The following NBEA variants were observed in gnomAD, a reference collection of about 807,000 sequenced individuals.
The protein encoded by NBEA is lysosomal-trafficking regulator 2.
A neutral mutation model predicts 343.4 loss-of-function variants in NBEA; 44 were observed. That is an observed-to-expected ratio of 0.13 (90% CI 0.10 to 0.16). The LOEUF is 0.16. NBEA is among the 10% of genes least tolerant of loss of function. NBEA has a pLI of 1.00. For missense variants in NBEA, 2,555 were observed against 3,631.3 expected (o/e 0.70, Z 7.62); for synonymous variants, 1,175 against 1,238.7 (o/e 0.95, Z 1.08).
At chr13:34,987,096 C>T (rs1454395775) in intron 1 of NBEA, among the ~76,000 whole-genome samples, 1 of 151,034 alleles carries the variant, frequency 6.6e-6, no homozygotes, top group Non-Finnish European at 1.5e-5. Flanking sequence ...GCAGTTTCTT[C>T]CTAGCATTGA....
chr13:35,668,400 G>A lies in NBEA; in HGVS notation c.8694G>A (p.Leu2898=). The A allele has an allele frequency of 6.2e-7, 1 of 1,611,306 alleles. No homozygotes were observed. The highest frequency in any genetic ancestry group is 8.5e-7 in the Non-Finnish European group (1 of 1,178,560). Residue 2898 remains leucine (L), a synonymous_variant, in exon 58 of 59, where the codon CTG becomes CTA. Coordinates refer to ENST00000379939, the MANE Select transcript of NBEA (RefSeq NM_001385012.1). ...AILLSSDGQN[L]VTGGDNGVVE... is the part of the protein sequence containing the mutation. ...TCCTGAGCAGTGACGGCCAGAACCTGGTCACCGGAGGGGACAATGGGGTAG... is the reference window on the plus strand; with the variant it reads ...TCCTGAGCAGTGACGGCCAGAACCTAGTCACCGGAGGGGACAATGGGGTAG...
chr13:35,175,142 A>C (rs1275177815), intron 27 of NBEA, among the ~76,000 whole-genome samples: 1 of 152,180 alleles, frequency 6.6e-6, no homozygotes, highest in East Asian at 1.9e-4. Flanking sequence ...GGACAACTCT[A>C]GAATCAGACA....
chr13:35,171,206 G>A (rs1286524027), intron 25 of NBEA, 66 bp from the exon 26 acceptor site: 1 of 1,160,280 alleles, frequency 8.6e-7, no homozygotes, highest in Non-Finnish European at 1.3e-6. Context: ...TAGTATGTAT[G>A]TATATGTATT....
At chr13:35,063,213 T>C (rs1275619590) in intron 8 of NBEA, among the ~76,000 whole-genome samples, 3 of 152,018 alleles carry the variant, frequency 2.0e-5, no homozygotes, top group Non-Finnish European at 4.4e-5. Context: ...TATTAAGCAG[T>C]TGGGCACTGT....
At chr13:35,647,410 A>C (rs1288854924) in intron 51 of NBEA, among the ~76,000 whole-genome samples, 1 of 152,212 alleles carries the variant, frequency 6.6e-6, no homozygotes, top group Admixed American at 6.5e-5. Context: ...TGATGGAAGT[A>C]TTAATCACAC....
chr13:35,646,207 C>T, intron 50 of NBEA, 52 bp from the exon 51 acceptor site: 1 of 1,330,116 alleles, frequency 7.5e-7, no homozygotes, highest in Non-Finnish European at 1.1e-6. Context: ...AGTGTGTTGG[C>T]CTCTCTCTTT....
At chr13:35,649,913 GTA>G in intron 52 of NBEA, 66 bp downstream of exon 52, 1 of 1,186,884 alleles carries the variant, frequency 8.4e-7, no homozygotes, top group Non-Finnish European at 1.1e-6. Context: ...GTAAAAAAGT[GTA>G]CTGGGACTGG....
chr13:34,960,529 G>A (rs909223224), intron 1 of NBEA, among the ~76,000 whole-genome samples: 1 of 152,000 alleles, frequency 6.6e-6, no homozygotes, highest in African/African-American at 2.4e-5. Flanking sequence ...CTCACCCAGA[G>A]CAACTTCCAG....
chr13:35,093,315 C>CAAAAAAAAAAA (rs34323263), intron 10 of NBEA, among the ~76,000 whole-genome samples: 1 of 141,280 alleles, frequency 7.1e-6, no homozygotes. Context: ...ACTGGTACAC[C>CAAAAAAAAAAA]AAAAAAAAAA....
In NBEA at chr13:35,157,106, G is replaced by A. The variant is rs1393194750; in HGVS notation, c.2680G>A (p.Asp894Asn). Residue 894 changes from aspartate to asparagine, a missense_variant, in exon 21 of 59, where the codon GAT (aspartate) becomes AAT (asparagine). Physicochemically the swap from Asp to Asn is conservative, Grantham distance 23 (BLOSUM62 1). This residue lies in a region of NBEA where 360 missense variants were observed against 519.1 expected (regional missense o/e 0.69). Coordinates refer to ENST00000379939, the MANE Select transcript of NBEA (RefSeq NM_001385012.1). ...CTTATTGCAGTGTTCAGTGTGGCAG[G>A]ATTGGATGTTTTCTCTTGGCTATAT... Reference protein sequence around the residue: ...RCLLQCSVWQDWMFSLGYINP... With the variant: ...RCLLQCSVWQNWMFSLGYINP... 1 of 1,598,804 alleles carries A rather than the reference G, an allele frequency of 6.3e-7. No individual in the cohort carries two copies. Among genetic ancestry groups the A allele is most frequent in the Non-Finnish European group, 8.5e-7 (1 of 1,172,538 alleles).
intron 1 of NBEA, among the ~76,000 whole-genome samples, chr13:35,021,279 G>A (rs1017615274): frequency 6.6e-6 from 1 of 152,164 alleles, no homozygotes; most frequent in South Asian, 2.1e-4. Flanking sequence ...GAATTGAGTA[G>A]TTATCATGGA....
Position 35,547,745 on chromosome 13 carries a change from G to A in NBEA, c.6586-2732G>A, listed in dbSNP as rs982059882. On this transcript the variant is annotated intron_variant, in intron 41 of 58. Coordinates refer to ENST00000379939, the MANE Select transcript of NBEA (RefSeq NM_001385012.1). The stretch of plus-strand genomic sequence containing the variant: ...TCTACTAAAAATACAAAAATTAGCC[G>A]GATGGTAATGGCACGCATCTGTAAT... Among the ~76,000 whole-genome samples, 12 of 152,120 alleles carry A rather than the reference G, an allele frequency of 7.9e-5. No individual in the cohort carries two copies. The South Asian group carries it at 1.0e-3, about 13-fold the overall frequency.
chr13:35,570,224 C>T (rs1365162156), intron 45 of NBEA, among the ~76,000 whole-genome samples: 4 of 152,088 alleles, frequency 2.6e-5, no homozygotes, highest in Non-Finnish European at 5.9e-5. Context: ...TTAGTAGAGA[C>T]AGGGTTTCAC....
intron 1 of NBEA, among the ~76,000 whole-genome samples, chr13:35,001,667 G>A (rs1177159260): frequency 2.0e-5 from 3 of 152,082 alleles, no homozygotes; most frequent in African/African-American, 7.2e-5. Flanking sequence ...CTGGAGGCTG[G>A]GAAAGGGAGG....
intron 28 of NBEA, 53 bp downstream of exon 28, chr13:35,177,156 ATGAAATACG>A: frequency 7.4e-7 from 1 of 1,347,376 alleles, no homozygotes. Flanking sequence ...TGTCATTCGT[ATGAAATACG>A]TTTTATAAGA....
At chr13:35,241,062 TTAA>T (rs1189892934) in intron 34 of NBEA, among the ~76,000 whole-genome samples, 10 of 151,854 alleles carry the variant, frequency 6.6e-5, no homozygotes, top group African/African-American at 2.4e-4. Context: ...TCAGTCCATG[TTAA>T]TATATCAATT....
chr13:35,101,433 G>A (rs2065641889), intron 11 of NBEA, among the ~76,000 whole-genome samples: 1 of 151,786 alleles, frequency 6.6e-6, no homozygotes, highest in South Asian at 2.1e-4. Flanking sequence ...GATGACTAGT[G>A]ATGCTGAATA....
chr13:35,197,646 G>A (rs951311198), intron 31 of NBEA, among the ~76,000 whole-genome samples: 3 of 151,964 alleles, frequency 2.0e-5, no homozygotes, highest in Non-Finnish European at 2.9e-5. Flanking sequence ...CTCCTGAGTA[G>A]CACCTGCCAC....
Position 35,302,553 on chromosome 13 carries a change from G to C in NBEA, c.5839-6975G>C, listed in dbSNP as rs2036623736. Among the ~76,000 whole-genome samples the C allele has an allele frequency of 2.0e-5, 3 of 152,124 alleles. No homozygotes were observed. In the South Asian group the frequency reaches 6.2e-4, roughly 31 times the overall value. On this transcript the variant is annotated intron_variant, in intron 35 of 58. Transcript: ENST00000379939. ...GCTTAGGTCAAGGCCTGCATAAACT[G>C]TTCTTGTGCCCCAGCCATATCATAT... is the stretch of plus-strand genomic sequence containing the variant.
Sources: gnomAD v4.1 joint callset for allele counts (sites outside exome capture counted in the v4.1 genomes callset) on GRCh38, gnomAD v4.1.1 for gene constraint, gnomAD v4.1.1 regional missense constraint, MANE v1.5 for transcripts, NCBI Gene and HGNC (gene_info 2026-07-23, HGNC 2026-07-21) for gene names.